Variants in DGKI observed in about 807,000 individuals in gnomAD.
The protein encoded by DGKI is diacylglycerol kinase iota.
In DGKI, 55 loss-of-function variants were observed where a neutral mutation model predicts 147.5. That is an observed-to-expected ratio of 0.37 (90% confidence interval 0.30 to 0.47). The LOEUF (loss-of-function observed/expected upper bound fraction) is 0.47. DGKI is among the 20% of genes least tolerant of loss of function. DGKI has a pLI of 1.00. For synonymous variants in DGKI, 469 were observed against 477.1 expected (o/e 0.98, Z 0.22); for missense variants, 1,007 against 1,323.8 (o/e 0.76, Z 3.71).
At chr7:137,744,174 C>T (rs1191787096) in intron 1 of DGKI, among the ~76,000 whole-genome samples, 1 of 151,738 alleles carries the variant, frequency 6.6e-6, no homozygotes, top group Admixed American at 6.6e-5. Context: ...AAGAGAAGAT[C>T]CAAATAAGCA....
intron 28 of DGKI, 23 bp downstream of exon 28, chr7:137,444,054 T>C: frequency 6.4e-7 from 1 of 1,551,790 alleles, no homozygotes; most frequent in African/African-American, 1.4e-5. Flanking sequence ...TGAATTGGTA[T>C]AAATAAGACA....
At position 137,387,688 on chromosome 7, in the gene DGKI, A is replaced by G. The variant is rs1811217107; in HGVS notation, c.*3532T>C. ...ACCGTATTTATTTTTGGGAAGTGGGACACAACACCAGAACAAAGGGATGCC... is the reference window on the plus strand; with the variant it reads ...ACCGTATTTATTTTTGGGAAGTGGGGCACAACACCAGAACAAAGGGATGCC... On this transcript the variant is annotated 3_prime_UTR_variant, in exon 33 of 33. Coordinates refer to ENST00000614521, the MANE Select transcript of DGKI (RefSeq NM_001321708.2). 6.6e-6 allele frequency: 1 copy of G among 152,148 alleles called. No homozygotes were observed. The highest frequency in any genetic ancestry group is 2.4e-5 in the African/African-American group (1 of 41,436). 9.4% of individuals were successfully genotyped at this position (152,148 alleles called of 1,614,324 possible).
intron 6 of DGKI, among the ~76,000 whole-genome samples, 194 bp from the exon 7 acceptor site, chr7:137,623,748 C>T (rs1426922303): frequency 1.3e-5 from 2 of 152,192 alleles, no homozygotes; most frequent in Non-Finnish European, 2.9e-5. Flanking sequence ...TTTTCTAATC[C>T]TGAAGCATTT....
At chr7:137,609,454 A>G (rs1006606483) in intron 9 of DGKI, 81 bp downstream of exon 9, 4 of 1,069,412 alleles carry the variant, frequency 3.7e-6, no homozygotes, top group South Asian at 1.4e-5. Flanking sequence ...AGAAAAATCA[A>G]CTTGGACCAG....
At chr7:137,545,928 C>A (rs538706982) in intron 20 of DGKI, 2 of 702,574 alleles carry the variant, frequency 2.8e-6, no homozygotes, top group Non-Finnish European at 5.2e-6. Context: ...GGAGCAGACA[C>A]TCGCCGCAGG....
At position 137,471,240 on chromosome 7, in the gene DGKI, T is replaced by C. The variant is rs369130859; in HGVS notation, c.2374-1621A>G. On this transcript the variant is annotated intron_variant, in intron 23 of 32. Coordinates refer to ENST00000614521, the MANE Select transcript of DGKI (RefSeq NM_001321708.2). ...CTCTGTGGGGAAGACACTGGGAGTC[T>C]GGCCCTTAATAGGGATTTGAAATGT... 8.5e-5 allele frequency among the ~76,000 whole-genome samples: 13 copies of C among 152,234 alleles called. No individual in the cohort carries two copies. In the South Asian group the frequency reaches 2.5e-3, roughly 29 times the overall value.
chr7:137,618,151 A>ATATATATATATTTT lies in DGKI; in HGVS notation c.993+1672_993+1673insAAAATATATATATA. On this transcript the variant is annotated intron_variant, in intron 8 of 32. Coordinates refer to ENST00000614521, the MANE Select transcript of DGKI (RefSeq NM_001321708.2). ...ACTATATATATATATATATATATAT[A>ATATATATATATTTT]TTTTTTTTTTTTTACTCTATCATTC... Among the ~76,000 whole-genome samples, 62 of 10,444 alleles carry ATATATATATATTTT rather than the reference A, an allele frequency of 5.9e-3. 8 individuals carry two copies. Among genetic ancestry groups the ATATATATATATTTT allele is most frequent in the Non-Finnish European group, 0.019 (32 of 1,646 alleles). The allele number at this position is 10,444 out of a possible 152,430, so 6.9% of individuals were successfully genotyped here.
intron 1 of DGKI, among the ~76,000 whole-genome samples, chr7:137,772,690 T>C (rs1796242844): frequency 6.6e-6 from 1 of 152,256 alleles, no homozygotes. Context: ...AAATTATTCA[T>C]GTCTCTTTAC....
intron 1 of DGKI, among the ~76,000 whole-genome samples, chr7:137,827,880 G>A (rs1798106129): frequency 6.6e-6 from 1 of 152,172 alleles, no homozygotes; most frequent in African/African-American, 2.4e-5. Context: ...TTAGAACCCT[G>A]AGTATGTTTT....
At chr7:137,443,206 A>C (rs1046148727) in intron 28 of DGKI, among the ~76,000 whole-genome samples, 1 of 152,304 alleles carries the variant, frequency 6.6e-6, no homozygotes, top group Admixed American at 6.5e-5. Context: ...ATGCTAAAAT[A>C]CAATATTGAA....
chr7:137,515,087 G>A (rs1256226701), intron 21 of DGKI, among the ~76,000 whole-genome samples: 4 of 152,120 alleles, frequency 2.6e-5, no homozygotes, highest in Non-Finnish European at 4.4e-5. Context: ...AATATACTAA[G>A]GATGCTTGGC....
At chr7:137,413,398 T>C (rs907278676) in intron 28 of DGKI, among the ~76,000 whole-genome samples, 1 of 147,590 alleles carries the variant, frequency 6.8e-6, no homozygotes, top group Non-Finnish European at 1.5e-5. Context: ...ACAGTGAACA[T>C]AGTACTCAAC....
At chr7:137,819,093 G>T (rs775533604) in intron 1 of DGKI, among the ~76,000 whole-genome samples, 1 of 152,062 alleles carries the variant, frequency 6.6e-6, no homozygotes, top group Non-Finnish European at 1.5e-5. Context: ...ACGATCAAAG[G>T]CTGAAACAAG....
chr7:137,831,114 C>T (rs565774323), intron 1 of DGKI, among the ~76,000 whole-genome samples: 16 of 152,326 alleles, frequency 1.1e-4, no homozygotes, highest in South Asian at 2.1e-4. Context: ...AATTGACCAA[C>T]GGCGTAACTA....
chr7:137,723,213 T>C (rs923129992), intron 1 of DGKI, among the ~76,000 whole-genome samples: 1 of 152,224 alleles, frequency 6.6e-6, no homozygotes, highest in African/African-American at 2.4e-5. Context: ...ATAGTAACTC[T>C]GTGTAATGAA....
intron 1 of DGKI, among the ~76,000 whole-genome samples, chr7:137,795,496 A>G (rs980789222): frequency 6.6e-6 from 1 of 152,256 alleles, no homozygotes; most frequent in Non-Finnish European, 1.5e-5. Flanking sequence ...TTTTTCCAAA[A>G]GAATCAGGAA....
rs1815569107 is a variant in DGKI, at chr7:137,486,594, A to C, written c.2328+1016T>G. On this transcript the variant is annotated intron_variant, in intron 22 of 32. Transcript: ENST00000614521. ...GCCGTAAGTGTAAAATTTGTTGACC[A>C]TCTTTCTCTCATCCACATCAGTATT... is the stretch of plus-strand genomic sequence containing the variant. 2.0e-5 allele frequency among the ~76,000 whole-genome samples: 3 copies of C among 152,112 alleles called. No homozygotes were observed. In the South Asian group the frequency reaches 6.2e-4, roughly 32 times the overall value.
intron 2 of DGKI, among the ~76,000 whole-genome samples, chr7:137,684,410 T>C (rs1823343987): frequency 6.6e-6 from 1 of 152,246 alleles, no homozygotes; most frequent in African/African-American, 2.4e-5. Flanking sequence ...TCTTACCTAT[T>C]TCTTCTCACT....
chr7:137,735,361 T>C (rs1225743772), intron 1 of DGKI, among the ~76,000 whole-genome samples: 1 of 152,118 alleles, frequency 6.6e-6, no homozygotes, highest in East Asian at 1.9e-4. Flanking sequence ...TTTGCTTGAA[T>C]ACTCTTTCCA....
Sources: gnomAD v4.1 joint callset for allele counts (sites outside exome capture counted in the v4.1 genomes callset) on GRCh38, gnomAD v4.1.1 for gene constraint, MANE v1.5 for transcripts, NCBI Gene and HGNC (gene_info 2026-07-23, HGNC 2026-07-21) for gene names.